Variants in IQCE observed in about 807,000 individuals in gnomAD.
IQCE encodes the protein IQ domain-containing protein E.
Under a neutral mutation model 96.0 loss-of-function variants are expected in IQCE, and 115 were observed. The ratio of observed to expected loss-of-function variants is 1.20; its 90% CI spans 1.03 to 1.40. The LOEUF is 1.40. Ranked by LOEUF, IQCE falls within the 40% of genes most tolerant of loss-of-function variation. IQCE has a pLI of 0.00. For missense variants in IQCE, 1,041 were observed against 909.1 expected (o/e 1.15, Z -1.87); for synonymous variants, 412 against 371.2 (o/e 1.11, Z -1.26).
At chr7:2,569,486 C>T (rs1456271191) in intron 3 of IQCE, among the ~76,000 whole-genome samples, 6 of 152,148 alleles carry the variant, frequency 3.9e-5, no homozygotes, top group African/African-American at 1.4e-4. Context: ...GGGTTCTATT[C>T]TTCCTCACCC....
At chr7:2,581,756 CT>C (rs1246461268) in intron 8 of IQCE, among the ~76,000 whole-genome samples, 1 of 149,788 alleles carries the variant, frequency 6.7e-6, no homozygotes, top group Non-Finnish European at 1.5e-5. Context: ...GTCACCCACG[CT>C]GGAGTGCAGT....
intron 21 of IQCE, among the ~76,000 whole-genome samples, chr7:2,608,819 A>G (rs944955141): frequency 2.6e-5 from 4 of 152,190 alleles, no homozygotes; most frequent in African/African-American, 9.7e-5. Flanking sequence ...TCTCTGTGAA[A>G]AGTATAAATC....
At chr7:2,586,147 T>G (rs760528405) in intron 11 of IQCE, 61 bp from the exon 12 acceptor site, 90 of 1,499,340 alleles carry the variant, frequency 6.0e-5, no homozygotes, top group Non-Finnish European at 8.0e-5. Flanking sequence ...GTCCCTCGTT[T>G]CAAGCATGTG....
chr7:2,605,291 C>A (rs1190375377), intron 19 of IQCE, among the ~76,000 whole-genome samples: 1 of 152,200 alleles, frequency 6.6e-6, no homozygotes, highest in African/African-American at 2.4e-5. Flanking sequence ...CATTGCGGCC[C>A]CTCCTCTGTA....
In IQCE at chr7:2,614,409, G is replaced by A. The variant is rs1472349365; in HGVS notation, c.*4247G>A. 1 of 152,208 alleles carries A rather than the reference G, an allele frequency of 6.6e-6. No individual in the cohort carries two copies. Among genetic ancestry groups the A allele is most frequent in the East Asian group, 1.9e-4 (1 of 5,196 alleles). 9.4% of individuals were successfully genotyped at this position (152,208 alleles called of 1,614,324 possible). Reference sequence around the variant, plus strand: ...GGGTCCGAGCCAGCTATTTCTCAAGGCTCCCACCTCGCCAAGCTCCCAAGG... The same window carrying A: ...GGGTCCGAGCCAGCTATTTCTCAAGACTCCCACCTCGCCAAGCTCCCAAGG... On this transcript the variant is annotated 3_prime_UTR_variant, in exon 22 of 22. Coordinates refer to ENST00000402050, the MANE Select transcript of IQCE (RefSeq NM_152558.5).
intron 15 of IQCE, among the ~76,000 whole-genome samples, chr7:2,593,787 G>C (rs145419135): frequency 6.6e-6 from 1 of 152,240 alleles, no homozygotes; most frequent in East Asian, 1.9e-4. Context: ...TCTGGAATTA[G>C]AGAGGGGTGG....
In IQCE at chr7:2,605,827, A is replaced by G. The variant is rs763267290; in HGVS notation, c.1744-49A>G. On this transcript the variant is annotated intron_variant, in intron 19 of 21. Coordinates refer to ENST00000402050, the MANE Select transcript of IQCE (RefSeq NM_152558.5). ...CCCTGGGGGTTGAGTGCTGGGAGCC[A>G]GCAGGGGGCTGCCAAACAGTCGTCT... The G allele has an allele frequency of 2.8e-5, 42 of 1,480,870 alleles. No individual in the cohort carries two copies. In the South Asian group the frequency reaches 5.0e-4, roughly 18 times the overall value. The allele number at this position is 1,480,870 out of a possible 1,614,324, so 91.7% of individuals were successfully genotyped here.
intron 14 of IQCE, among the ~76,000 whole-genome samples, chr7:2,590,779 C>T (rs574496492): frequency 1.2e-4 from 18 of 152,106 alleles, no homozygotes; most frequent in African/African-American, 4.3e-4. Flanking sequence ...GTGTAGGGAA[C>T]GGTGGGAGAG....
chr7:2,603,070 C>T (rs1784543616), intron 18 of IQCE, among the ~76,000 whole-genome samples: 1 of 152,194 alleles, frequency 6.6e-6, no homozygotes, highest in South Asian at 2.1e-4. Context: ...CACAGACACA[C>T]CCTTGTCCAT....
At chr7:2,603,539 C>T (rs572171057) in intron 18 of IQCE, among the ~76,000 whole-genome samples, 5 of 152,296 alleles carry the variant, frequency 3.3e-5, no homozygotes, top group African/African-American at 1.2e-4. Flanking sequence ...GTGAGGCTGC[C>T]TGTGTGGGGC....
chr7:2,587,701 C>T (rs1442250531), intron 12 of IQCE, 121 bp from the exon 13 acceptor site: 15 of 960,892 alleles, frequency 1.6e-5, no homozygotes, highest in Non-Finnish European at 2.5e-5. Context: ...GTCGGTGTGG[C>T]TCTGCAGCCC....
At chr7:2,604,776 C>A in intron 18 of IQCE, 105 bp from the exon 19 acceptor site, 2 of 743,486 alleles carry the variant, frequency 2.7e-6, no homozygotes, top group Non-Finnish European at 4.6e-6. Context: ...AAGGGAGTCA[C>A]GTTCCCTGCT....
rs372216665 is a variant in IQCE at position 2,592,998 on chromosome 7, C to T, written c.1245-24C>T. ...AACCTACAGTTTTTGTGAACGCTGA[C>T]GAGTCTCCTATTCTTGTGTGCAGTT... On this transcript the variant is annotated intron_variant, in intron 14 of 21. Coordinates refer to ENST00000402050, the MANE Select transcript of IQCE (RefSeq NM_152558.5). 1.3e-3 allele frequency: 2,007 copies of T among 1,571,842 alleles called. 54 individuals carry two copies. The South Asian group carries it at 0.022, about 17-fold the overall frequency.
chr7:2,569,026 T>C, intron 3 of IQCE, 27 bp downstream of exon 3: 1 of 1,609,312 alleles, frequency 6.2e-7, no homozygotes, highest in Non-Finnish European at 8.5e-7. Flanking sequence ...CTGCCTTCCC[T>C]CTCACGCCGA....
intron 14 of IQCE, among the ~76,000 whole-genome samples, chr7:2,592,326 T>G (rs1034204149): frequency 6.6e-5 from 10 of 152,174 alleles, no homozygotes; most frequent in Admixed American, 2.0e-4. Flanking sequence ...AGACATTAGG[T>G]AAAAAACATT....
At chr7:2,567,490 G>A (rs1363082065) in intron 2 of IQCE, among the ~76,000 whole-genome samples, 1 of 152,206 alleles carries the variant, frequency 6.6e-6, no homozygotes, top group East Asian at 1.9e-4. Context: ...CCCTGCTAAT[G>A]CCGTCGGAAG....
intron 8 of IQCE, chr7:2,582,044 G>C (rs1422142304): frequency 1.3e-5 from 6 of 468,516 alleles, no homozygotes; most frequent in Non-Finnish European, 2.6e-5. Flanking sequence ...TAAGAATATT[G>C]TCTCCTCTAA....
chr7:2,578,382 G>A (rs768694980), intron 7 of IQCE, 27 bp downstream of exon 7: 4 of 1,612,098 alleles, frequency 2.5e-6, no homozygotes, highest in Admixed American at 1.7e-5. Context: ...TCACGGACGG[G>A]GCAAGGGGAG....
chr7:2,560,434 CA>C (rs1375462559), intron 1 of IQCE, among the ~76,000 whole-genome samples: 1 of 152,190 alleles, frequency 6.6e-6, no homozygotes, highest in Non-Finnish European at 1.5e-5. Flanking sequence ...AAGGAGACCA[CA>C]GGGTTCAGCA....
Sources: gnomAD v4.1 joint callset for allele counts (sites outside exome capture counted in the v4.1 genomes callset) on GRCh38, gnomAD v4.1.1 for gene constraint, MANE v1.5 for transcripts, NCBI Gene and HGNC (gene_info 2026-07-23, HGNC 2026-07-21) for gene names.